Variants in PARP8 observed in about 807,000 individuals in gnomAD.
PARP8 encodes the protein protein mono-ADP-ribosyltransferase PARP8.
A neutral mutation model predicts 124.1 loss-of-function variants in PARP8; 51 were observed. That is an observed-to-expected ratio of 0.41 (90% CI 0.33 to 0.52). The LOEUF (loss-of-function observed/expected upper bound fraction) is 0.52. Among genes scored for constraint, PARP8 ranks in the 20% least tolerant of loss-of-function variants. The pLI is 0.21. For missense variants in PARP8, 860 were observed against 1,018.9 expected (o/e 0.84, Z 2.12); for synonymous variants, 391 against 361.5 (o/e 1.08, Z -0.93).
chr5:50,777,753 A>G (rs936939418), intron 7 of PARP8, among the ~76,000 whole-genome samples: 1 of 152,320 alleles, frequency 6.6e-6, no homozygotes, highest in East Asian at 1.9e-4. Flanking sequence ...GTGCTGTGAA[A>G]ACAAAGCAGT....
chr5:50,774,033 G>T lies in PARP8; in HGVS notation c.519-4036G>T, dbSNP rs1271319395. On this transcript the variant is annotated intron_variant, in intron 7 of 25. Coordinates refer to ENST00000281631, the MANE Select transcript of PARP8 (RefSeq NM_024615.4). Reference sequence around the variant, plus strand: ...TGGGTACTTGAGATTAGGGAGTGGTGATGACTCTTAATGAGCATGCTGCCT... The same window carrying T: ...TGGGTACTTGAGATTAGGGAGTGGTTATGACTCTTAATGAGCATGCTGCCT... Among the ~76,000 whole-genome samples the T allele has an allele frequency of 2.0e-5, 3 of 151,998 alleles. No homozygotes were observed. The East Asian group carries it at 5.8e-4, about 29-fold the overall frequency.
At chr5:50,834,850 G>A (rs747867287) in intron 24 of PARP8, 81 bp from the exon 25 acceptor site, 14 of 1,204,524 alleles carry the variant, frequency 1.2e-5, no homozygotes, top group South Asian at 2.5e-5. Context: ...AGATTTCAAC[G>A]AGAAGAGATA....
chr5:50,709,144 T>G (rs1464520918), intron 2 of PARP8, among the ~76,000 whole-genome samples: 2 of 152,004 alleles, frequency 1.3e-5, no homozygotes, highest in Admixed American at 1.3e-4. Flanking sequence ...TTCTACTCCT[T>G]TTTTGGGGTC....
chr5:50,769,784 G>A (rs1010651011), intron 7 of PARP8, among the ~76,000 whole-genome samples: 56 of 151,974 alleles, frequency 3.7e-4, no homozygotes, highest in South Asian at 4.1e-4. Flanking sequence ...TGTATACATG[G>A]AAGAGACTGG....
Position 50,845,129 on chromosome 5 carries a change from A to G in PARP8, c.*3061A>G, listed in dbSNP as rs1748520055. 1 of 151,730 alleles carries G rather than the reference A, an allele frequency of 6.6e-6. No homozygotes were observed. Among genetic ancestry groups the G allele is most frequent in the South Asian group, 2.1e-4 (1 of 4,830 alleles). 9.4% of individuals were successfully genotyped at this position (151,730 alleles called of 1,614,324 possible). A position where few individuals can be genotyped will look rare whatever the true frequency, so the allele number is the denominator to read the frequency against. ...CTTTGAAAATTTAAGTTTAGAGAAGAAATTCCTTCATTTTTCTCCCCTTTG... is the reference window on the plus strand; with the variant it reads ...CTTTGAAAATTTAAGTTTAGAGAAGGAATTCCTTCATTTTTCTCCCCTTTG... On this transcript the variant is annotated 3_prime_UTR_variant, in exon 26 of 26. Coordinates refer to ENST00000281631, the MANE Select transcript of PARP8 (RefSeq NM_024615.4).
chr5:50,825,738 A>G (rs1271129703), intron 18 of PARP8, among the ~76,000 whole-genome samples: 1 of 152,204 alleles, frequency 6.6e-6, no homozygotes, highest in East Asian at 1.9e-4. Flanking sequence ...ACAGTAATAC[A>G]AATGTAAGGC....
chr5:50,666,755 G>C lies in PARP8; in HGVS notation c.-341G>C, dbSNP rs1039605513. 6.1e-6 allele frequency: 4 copies of C among 650,478 alleles called. No homozygotes were observed. The highest frequency in any genetic ancestry group is 5.2e-5 in the Admixed American group (1 of 19,152). 40.3% of individuals were successfully genotyped at this position (650,478 alleles called of 1,614,324 possible). Reference sequence around the variant, plus strand: ...GCTCTCTGGCTGTCCCCGGCACCTCGGCCCCCACGGCCGTTGGTCCGGGCG... The same window carrying C: ...GCTCTCTGGCTGTCCCCGGCACCTCCGCCCCCACGGCCGTTGGTCCGGGCG... On this transcript the variant is annotated 5_prime_UTR_variant, in exon 1 of 26. Coordinates refer to ENST00000281631, the MANE Select transcript of PARP8 (RefSeq NM_024615.4).
intron 9 of PARP8, among the ~76,000 whole-genome samples, chr5:50,782,904 A>G (rs1240866012): frequency 1.3e-5 from 2 of 152,204 alleles, no homozygotes; most frequent in African/African-American, 4.8e-5. Context: ...GGAGGAGACC[A>G]CTAGGGAAGA....
rs141589048 is a variant in PARP8 at position 50,790,359 on chromosome 5, A to G, written c.737+1770A>G. Among the ~76,000 whole-genome samples the G allele has an allele frequency of 3.0e-3, 460 of 152,068 alleles. 1 individual carries two copies. The highest frequency in any genetic ancestry group is 3.3e-3 in the Non-Finnish European group (226 of 67,976). On this transcript the variant is annotated intron_variant, in intron 10 of 25. Coordinates refer to ENST00000281631, the MANE Select transcript of PARP8 (RefSeq NM_024615.4). ...TTTGTGATTGGATTTTGTTTCCTGC[A>G]TTGTGCCCATATCCTGCGTGTCTTG...
At chr5:50,722,082 T>A (rs1421462174) in intron 2 of PARP8, among the ~76,000 whole-genome samples, 1 of 152,096 alleles carries the variant, frequency 6.6e-6, no homozygotes, top group African/African-American at 2.4e-5. Flanking sequence ...TACAGTTTTC[T>A]TAGTGAATGT....
chr5:50,822,705 C>G lies in PARP8; in HGVS notation c.1860+305C>G, dbSNP rs578142787. Among the ~76,000 whole-genome samples, 9 of 152,258 alleles carry G rather than the reference C, an allele frequency of 5.9e-5. No individual in the cohort carries two copies. In the South Asian group the frequency reaches 1.9e-3, roughly 32 times the overall value. On this transcript the variant is annotated intron_variant, in intron 17 of 25. Coordinates refer to ENST00000281631, the MANE Select transcript of PARP8 (RefSeq NM_024615.4). The stretch of plus-strand genomic sequence containing the variant: ...TTAAATCTGGTACCATTTTCCTAGA[C>G]TGTCAATTTTAATTGATGGTAGCAA...
At chr5:50,823,806 G>A (rs542731815) in intron 17 of PARP8, among the ~76,000 whole-genome samples, 1 of 152,222 alleles carries the variant, frequency 6.6e-6, no homozygotes, top group East Asian at 1.9e-4. Context: ...AGACGACTGA[G>A]CGTCAGCCTA....
At chr5:50,840,248 G>T (rs961348333) in intron 25 of PARP8, among the ~76,000 whole-genome samples, 1 of 151,838 alleles carries the variant, frequency 6.6e-6, no homozygotes, top group Non-Finnish European at 1.5e-5. Flanking sequence ...CACTTAAAAT[G>T]CTGGTCTGGA....
Position 50,678,342 on chromosome 5 carries a change from G to T in PARP8, c.146+10217G>T, listed in dbSNP as rs12514550. ...CATAAAACATGTTTGAAATGTGTTT[G>T]TGTGTGTCTGTCACACACACATAAC... On this transcript the variant is annotated intron_variant, in intron 2 of 25. Transcript: ENST00000281631. 5.5e-3 allele frequency among the ~76,000 whole-genome samples: 830 copies of T among 152,132 alleles called. 23 individuals are homozygous for T. The highest frequency in any genetic ancestry group is 0.049 in the Admixed American group (741 of 15,274).
At chr5:50,794,384 G>A (rs959233983) in intron 11 of PARP8, 52 bp downstream of exon 11, 10 of 1,589,222 alleles carry the variant, frequency 6.3e-6, no homozygotes, top group Non-Finnish European at 8.6e-6. Flanking sequence ...AGTGTGTGAT[G>A]TAGTTCATGC....
chr5:50,803,927 T>C (rs1431261890), intron 14 of PARP8, among the ~76,000 whole-genome samples: 3 of 152,144 alleles, frequency 2.0e-5, no homozygotes, highest in African/African-American at 7.2e-5. Context: ...CTCTGGGATT[T>C]AGATCTCGCC....
At chr5:50,830,643 A>G (rs1409278681) in intron 22 of PARP8, among the ~76,000 whole-genome samples, 1 of 152,242 alleles carries the variant, frequency 6.6e-6, no homozygotes, top group Non-Finnish European at 1.5e-5. Flanking sequence ...TGGTTTAAAT[A>G]TAAAATAATT....
chr5:50,712,698 T>C (rs964789891), intron 2 of PARP8, among the ~76,000 whole-genome samples: 1 of 152,040 alleles, frequency 6.6e-6, no homozygotes, highest in Non-Finnish European at 1.5e-5. Flanking sequence ...TATAGTATAA[T>C]GTCATAAGTG....
chr5:50,818,870 A>G (rs1051350287), intron 15 of PARP8, among the ~76,000 whole-genome samples: 1 of 152,202 alleles, frequency 6.6e-6, no homozygotes, highest in South Asian at 2.1e-4. Context: ...ACACACTCCA[A>G]TTAGAATGTT....
Sources: allele counts gnomAD v4.1 joint callset (sites outside exome capture counted in the v4.1 genomes callset), GRCh38; gene constraint gnomAD v4.1.1; transcripts MANE v1.5; gene names NCBI Gene and HGNC (gene_info 2026-07-23, HGNC 2026-07-21).